The following TP73 variants were observed in gnomAD, a reference collection of about 807,000 sequenced individuals.
TP73 encodes the protein tumor protein p73.
A neutral mutation model predicts 62.5 loss-of-function variants in TP73; 25 were observed. That is an observed-to-expected ratio of 0.40 (90% CI 0.29 to 0.56). The LOEUF (loss-of-function observed/expected upper bound fraction) is 0.56, where lower values mean the gene tolerates loss of function less well. Ranked by LOEUF, TP73 falls within the 20% of genes least tolerant of loss-of-function variation. TP73 has a pLI of 0.46. For synonymous variants in TP73, 423 were observed against 377.5 expected (o/e 1.12, Z -1.40); for missense variants, 754 against 913.3 (o/e 0.83, Z 2.25).
At chr1:3,689,367 C>G (rs1645748760) in intron 3 of TP73, among the ~76,000 whole-genome samples, 1 of 152,236 alleles carries the variant, frequency 6.6e-6, no homozygotes, top group African/African-American at 2.4e-5. Context: ...GGGCTGAGAT[C>G]CTCTGCCACA....
chr1:3,704,720 G>GT, intron 3 of TP73, among the ~76,000 whole-genome samples: 1 of 152,304 alleles, frequency 6.6e-6, no homozygotes, highest in East Asian at 1.9e-4. Context: ...AGGCCTCTTG[G>GT]GCCTCGGTGA....
chr1:3,695,202 C>T (rs986773127), intron 3 of TP73, among the ~76,000 whole-genome samples: 1 of 152,236 alleles, frequency 6.6e-6, no homozygotes, highest in African/African-American at 2.4e-5. Context: ...ATGAGTGGGG[C>T]CCCTCTAGAA....
At chr1:3,673,404 A>C (rs1416957783) in intron 1 of TP73, among the ~76,000 whole-genome samples, 1 of 152,142 alleles carries the variant, frequency 6.6e-6, no homozygotes, top group East Asian at 1.9e-4. Context: ...GTCAATGGCA[A>C]CTCGATACGG....
chr1:3,687,420 C>T lies in TP73; in HGVS notation c.186+4240C>T, dbSNP rs568799309. Among the ~76,000 whole-genome samples the T allele has an allele frequency of 9.8e-5, 15 of 152,324 alleles. No individual in the cohort carries two copies. The South Asian group carries it at 1.5e-3, about 15-fold the overall frequency. ...AGCTCCCTCGTAGGCTCGCAGGCTGCGAGGAGGCAGTGTGGGTGTGATGGT... is the reference window on the plus strand; with the variant it reads ...AGCTCCCTCGTAGGCTCGCAGGCTGTGAGGAGGCAGTGTGGGTGTGATGGT... On this transcript the variant is annotated intron_variant, in intron 3 of 13. Coordinates refer to ENST00000378295, the MANE Select transcript of TP73 (RefSeq NM_005427.4).
At chr1:3,659,072 C>T (rs1570347965) in intron 1 of TP73, 1 of 152,002 alleles carries the variant, frequency 6.6e-6, no homozygotes, top group East Asian at 1.9e-4. Context: ...TCCTGAGCCC[C>T]ATTGTTTCCT....
In TP73 at chr1:3,672,337, G is replaced by A. The variant is rs3765700; in HGVS notation, c.-33-9996G>A. Among the ~76,000 whole-genome samples, 1 of 151,954 alleles carries A rather than the reference G, an allele frequency of 6.6e-6. No homozygotes were observed. The highest frequency in any genetic ancestry group is 2.4e-5 in the African/African-American group (1 of 41,386). The stretch of plus-strand genomic sequence containing the variant: ...CAGCACAGGCACTTCCAACATGGGC[G>A]CTGGCCGCACAAAGGCTAGTGACAC... On this transcript the variant is annotated intron_variant, in intron 1 of 13. Transcript: ENST00000378295. The surrounding 1 kb of genome is among the most constrained non-coding windows in gnomAD (Gnocchi z 5.3).
At chr1:3,656,511 CCCA>C (rs1345759985) in intron 1 of TP73, among the ~76,000 whole-genome samples, 2 of 152,168 alleles carry the variant, frequency 1.3e-5, no homozygotes, top group Non-Finnish European at 2.9e-5. Context: ...CCCTGTAATC[CCCA>C]CAATAGCCCG....
At chr1:3,697,348 TCCCTGCACAGGCCCTCGGCC>T (rs1638760992) in intron 3 of TP73, among the ~76,000 whole-genome samples, 1 of 152,190 alleles carries the variant, frequency 6.6e-6, no homozygotes, top group Non-Finnish European at 1.5e-5. Context: ...GCTCCGTCTC[TCCCTGCACAGGCCCTCGGCC>T]CTTCCTCTGG....
At chr1:3,685,391 C>T (rs1025281466) in intron 3 of TP73, among the ~76,000 whole-genome samples, 1 of 152,218 alleles carries the variant, frequency 6.6e-6, no homozygotes, top group Non-Finnish European at 1.5e-5. Context: ...GTGGCTGGAT[C>T]TGTCTGGCAG....
At chr1:3,713,198 T>C (rs1450505841) in intron 4 of TP73, among the ~76,000 whole-genome samples, 1 of 152,226 alleles carries the variant, frequency 6.6e-6, no homozygotes, top group Non-Finnish European at 1.5e-5. Flanking sequence ...CTGCTTGGTT[T>C]TGTTGACAAA....
intron 4 of TP73, among the ~76,000 whole-genome samples, chr1:3,719,336 G>A (rs547099323): frequency 7.4e-4 from 112 of 152,342 alleles, no homozygotes; most frequent in African/African-American, 2.5e-3. Flanking sequence ...CTCAGCAATG[G>A]GCAGCTCGCC....
At chr1:3,655,003 C>T (rs1043236293) in intron 1 of TP73, among the ~76,000 whole-genome samples, 2 of 152,242 alleles carry the variant, frequency 1.3e-5, no homozygotes, top group Non-Finnish European at 2.9e-5. Flanking sequence ...TGCCCAGCGG[C>T]GGTATTAACC....
intron 1 of TP73, among the ~76,000 whole-genome samples, chr1:3,677,143 C>T (rs976495221): frequency 6.6e-6 from 1 of 152,114 alleles, no homozygotes; most frequent in African/African-American, 2.4e-5. Context: ...ACCTGTGCTC[C>T]GTGGGTCCCG....
chr1:3,690,234 G>A lies in TP73; in HGVS notation c.186+7054G>A, dbSNP rs1020667876. On this transcript the variant is annotated intron_variant, in intron 3 of 13. Coordinates refer to ENST00000378295, the MANE Select transcript of TP73 (RefSeq NM_005427.4). ...CTCCCGTCACCTGTCTCCCTCGGGGGTCTAGGGTCGAACCTCCTGTGAGCC... is the reference window on the plus strand; with the variant it reads ...CTCCCGTCACCTGTCTCCCTCGGGGATCTAGGGTCGAACCTCCTGTGAGCC... Among the ~76,000 whole-genome samples, 6 of 152,186 alleles carry A rather than the reference G, an allele frequency of 3.9e-5. No homozygotes were observed. In the East Asian group the frequency reaches 1.2e-3, roughly 29 times the overall value.
chr1:3,669,540 C>T (rs1038949952), intron 1 of TP73, among the ~76,000 whole-genome samples: 1 of 152,244 alleles, frequency 6.6e-6, no homozygotes, highest in African/African-American at 2.4e-5. Flanking sequence ...CTGGCACGTC[C>T]GGGGGCTTCC....
At chr1:3,654,351 G>C (rs557471446) in intron 1 of TP73, among the ~76,000 whole-genome samples, 3 of 152,104 alleles carry the variant, frequency 2.0e-5, no homozygotes, top group Non-Finnish European at 4.4e-5. Flanking sequence ...AGTCCTTCTC[G>C]TGAAAGCTAC....
intron 4 of TP73, among the ~76,000 whole-genome samples, chr1:3,712,721 G>A (rs1230672227): frequency 6.6e-6 from 1 of 152,192 alleles, no homozygotes; most frequent in East Asian, 1.9e-4. Context: ...AGCGTTGGCA[G>A]CAGCATTGCC....
intron 3 of TP73, among the ~76,000 whole-genome samples, chr1:3,694,996 A>T (rs1487569805): frequency 3.3e-5 from 5 of 151,666 alleles, no homozygotes; most frequent in Admixed American, 6.6e-5. Context: ...CCGCAATCCC[A>T]GCCATGCTCT....
At chr1:3,727,980 G>T in intron 8 of TP73, 149 bp from the exon 9 acceptor site, 1 of 1,145,534 alleles carries the variant, frequency 8.7e-7, no homozygotes, top group Non-Finnish European at 1.2e-6. Flanking sequence ...TGGCACCGCA[G>T]GTTTGCCCGT....
Sources: allele counts gnomAD v4.1 joint callset (sites outside exome capture counted in the v4.1 genomes callset), GRCh38; gene constraint gnomAD v4.1.1; non-coding constraint Gnocchi (gnomAD v3.1); transcripts MANE v1.5; gene names NCBI Gene and HGNC (gene_info 2026-07-23, HGNC 2026-07-21).